KCNH1: variants seen among roughly 807,000 people sequenced by gnomAD.
The protein encoded by KCNH1 is potassium voltage-gated channel subfamily H member 1, also known as voltage-gated delayed rectifier potassium channel KCNH1.
Under a neutral mutation model 69.2 loss-of-function variants are expected in KCNH1, and 27 were observed. That is an observed-to-expected ratio of 0.39 (90% CI 0.29 to 0.54). The LOEUF is 0.54. Ranked by LOEUF, KCNH1 falls within the 20% of genes least tolerant of loss-of-function variation. The pLI is 0.68. For missense variants in KCNH1, 798 were observed against 1,261.6 expected (o/e 0.63, Z 5.57); for synonymous variants, 456 against 487.7 (o/e 0.93, Z 0.86).
At chr1:210,696,384 T>C (rs908481470) in intron 10 of KCNH1, among the ~76,000 whole-genome samples, 1 of 152,214 alleles carries the variant, frequency 6.6e-6, no homozygotes, top group African/African-American at 2.4e-5. Flanking sequence ...TCAGCATCCC[T>C]TTTTGCTCTT....
chr1:211,013,598 G>A (rs116249876), intron 6 of KCNH1, among the ~76,000 whole-genome samples: 1,774 of 152,312 alleles, frequency 0.012, 39 homozygotes, highest in African/African-American at 0.04. Context: ...AAGCCCAGGA[G>A]TCAGGAGACT....
At chr1:211,002,329 TG>T (rs1689202126) in intron 6 of KCNH1, among the ~76,000 whole-genome samples, 1 of 53,692 alleles carries the variant, frequency 1.9e-5, no homozygotes, top group Non-Finnish European at 4.5e-5. Context: ...TATATATATG[TG>T]TGTGTGTGTA....
At chr1:210,949,655 G>A (rs893320357) in intron 6 of KCNH1, among the ~76,000 whole-genome samples, 2 of 152,138 alleles carry the variant, frequency 1.3e-5, no homozygotes, top group East Asian at 1.9e-4. Flanking sequence ...GCAATGAATC[G>A]GTTGCACCAG....
chr1:210,691,001 CT>C (rs1449603859), intron 10 of KCNH1, among the ~76,000 whole-genome samples: 1 of 152,216 alleles, frequency 6.6e-6, no homozygotes, highest in African/African-American at 2.4e-5. Flanking sequence ...GTCAGGCGGA[CT>C]TGGATCGTGT....
At chr1:211,103,067 T>A (rs1217039812) in intron 3 of KCNH1, among the ~76,000 whole-genome samples, 1 of 152,182 alleles carries the variant, frequency 6.6e-6, no homozygotes, top group South Asian at 2.1e-4. Flanking sequence ...GGGGACAAAC[T>A]TTTATTTAGA....
At chr1:210,941,843 G>A (rs1465449016) in intron 6 of KCNH1, among the ~76,000 whole-genome samples, 2 of 152,140 alleles carry the variant, frequency 1.3e-5, no homozygotes, top group African/African-American at 2.4e-5. Context: ...CTAGAAGGAG[G>A]ATCAGTATTT....
chr1:210,939,092 T>A (rs1018147674), intron 6 of KCNH1, among the ~76,000 whole-genome samples: 2 of 152,124 alleles, frequency 1.3e-5, no homozygotes, highest in Admixed American at 6.5e-5. Flanking sequence ...GGACATGCCC[T>A]CCTCTAGGCT....
At chr1:210,809,257 T>A (rs1684649719) in intron 7 of KCNH1, among the ~76,000 whole-genome samples, 1 of 152,176 alleles carries the variant, frequency 6.6e-6, no homozygotes, top group Admixed American at 6.5e-5. Flanking sequence ...GCTTCTGAAC[T>A]GTGCCATTGC....
At chr1:210,805,124 T>A (rs1684521176) in intron 7 of KCNH1, among the ~76,000 whole-genome samples, 1 of 152,198 alleles carries the variant, frequency 6.6e-6, no homozygotes, top group Admixed American at 6.5e-5. Context: ...AGAACTCATA[T>A]TACACCATTT....
At chr1:211,131,190 A>G (rs1485444680) in intron 1 of KCNH1, among the ~76,000 whole-genome samples, 1 of 152,098 alleles carries the variant, frequency 6.6e-6, no homozygotes, top group Non-Finnish European at 1.5e-5. Context: ...GATAATATTT[A>G]AGGTCTGTCT....
At chr1:211,027,463 G>A (rs1419651194) in intron 5 of KCNH1, among the ~76,000 whole-genome samples, 5 of 151,982 alleles carry the variant, frequency 3.3e-5, no homozygotes, top group Non-Finnish European at 7.4e-5. Flanking sequence ...AAGTTGCCGT[G>A]CCTGGTGGTA....
chr1:211,008,566 A>G (rs1689329040), intron 6 of KCNH1, among the ~76,000 whole-genome samples: 2 of 152,272 alleles, frequency 1.3e-5, no homozygotes, highest in Admixed American at 6.5e-5. Context: ...AGGTACAAAA[A>G]GATTACACAC....
intron 10 of KCNH1, among the ~76,000 whole-genome samples, chr1:210,752,376 A>C (rs981704916): frequency 6.6e-6 from 1 of 152,134 alleles, no homozygotes; most frequent in Non-Finnish European, 1.5e-5. Flanking sequence ...CTTTCCTGAG[A>C]TCCTGATGTC....
At chr1:210,998,220 T>C (rs1296114204) in intron 6 of KCNH1, among the ~76,000 whole-genome samples, 5 of 152,178 alleles carry the variant, frequency 3.3e-5, no homozygotes, top group African/African-American at 7.2e-5. Context: ...GACTGGCAAA[T>C]TGGACAAAGA....
chr1:210,872,115 C>T (rs1487761921), intron 7 of KCNH1, among the ~76,000 whole-genome samples: 1 of 95,866 alleles, frequency 1.0e-5, no homozygotes, highest in Non-Finnish European at 2.2e-5. Context: ...AAAAGAAAAA[C>T]ATTCAGTGGA....
At chr1:210,830,014 T>C (rs1049234176) in intron 7 of KCNH1, among the ~76,000 whole-genome samples, 4 of 152,204 alleles carry the variant, frequency 2.6e-5, no homozygotes, top group African/African-American at 9.7e-5. Flanking sequence ...GTACCTTTGT[T>C]ATATTCACTA....
At chr1:210,882,100 A>G (rs1157837058) in intron 7 of KCNH1, among the ~76,000 whole-genome samples, 1 of 152,202 alleles carries the variant, frequency 6.6e-6, no homozygotes, top group African/African-American at 2.4e-5. Context: ...GGGGATATTG[A>G]TAATGGTGGA....
intron 7 of KCNH1, among the ~76,000 whole-genome samples, chr1:210,833,210 T>G (rs1164001333): frequency 6.6e-6 from 1 of 152,148 alleles, no homozygotes; most frequent in African/African-American, 2.4e-5. Flanking sequence ...ATCAGGTTTC[T>G]TAAAGTAGGG....
intron 9 of KCNH1, among the ~76,000 whole-genome samples, chr1:210,789,907 C>A (rs558866081): frequency 3.3e-5 from 5 of 152,320 alleles, no homozygotes; most frequent in African/African-American, 1.2e-4. Flanking sequence ...ACTCCCATTT[C>A]TTTCTCTTTT....
Sources: allele counts gnomAD v4.1 joint callset (sites outside exome capture counted in the v4.1 genomes callset), GRCh38; gene constraint gnomAD v4.1.1; transcripts MANE v1.5; gene names NCBI Gene and HGNC (gene_info 2026-07-23, HGNC 2026-07-21).